PHF20: variants seen among roughly 807,000 people sequenced by gnomAD.
The protein encoded by PHF20 is PHD finger protein 20.
A neutral mutation model predicts 113.5 loss-of-function variants in PHF20; 23 were observed. The ratio of observed to expected loss-of-function variants is 0.20; its 90% CI spans 0.15 to 0.29. The LOEUF is 0.29. Ranked by LOEUF, PHF20 falls within the 10% of genes least tolerant of loss-of-function variation. The probability of loss-of-function intolerance (pLI) is 1.00; values close to 1 mark genes in which losing one functional copy is unlikely to be tolerated. For missense variants in PHF20, 943 were observed against 1,219.6 expected (o/e 0.77, Z 3.38); for synonymous variants, 434 against 457.3 (o/e 0.95, Z 0.65).
chr20:35,903,834 A>G (rs1339082484), intron 10 of PHF20, among the ~76,000 whole-genome samples: 1 of 152,168 alleles, frequency 6.6e-6, no homozygotes, highest in African/African-American at 2.4e-5. Context: ...TGAACATAGT[A>G]GTGTATGCTG....
At chr20:35,899,219 A>G (rs990471460) in intron 9 of PHF20, 151 bp from the exon 10 acceptor site, 5 of 616,366 alleles carry the variant, frequency 8.1e-6, no homozygotes, top group Non-Finnish European at 1.1e-5. Context: ...CATTCTCTCT[A>G]AACAGTAATT....
At chr20:35,901,020 TTC>T (rs2055085173) in intron 10 of PHF20, among the ~76,000 whole-genome samples, 2 of 152,184 alleles carry the variant, frequency 1.3e-5, no homozygotes, top group South Asian at 4.1e-4. Context: ...CTCCGAAATG[TTC>T]TGTTTCCTGA....
intron 17 of PHF20, among the ~76,000 whole-genome samples, chr20:35,941,632 G>A (rs1481335617): frequency 3.9e-5 from 6 of 152,132 alleles, no homozygotes; most frequent in Admixed American, 2.0e-4. Flanking sequence ...GACGGTTTTG[G>A]TTGTTGAAAT....
intron 2 of PHF20, among the ~76,000 whole-genome samples, chr20:35,834,943 A>T (rs895715217): frequency 1.3e-5 from 2 of 152,132 alleles, no homozygotes; most frequent in African/African-American, 4.8e-5. Context: ...CCTGATTATC[A>T]TTTCAAACTC....
rs1221384393 is a variant in PHF20 at position 35,914,112 on chromosome 20, G to T, written c.1740G>T (p.Gly580=). The part of the protein sequence containing the change: ...PPKAFAVTRC[G]SSHKPGVHMS... ...AGGCATTTGCTGTTACCAGGTGTGG[G>T]TCCTCACACAAGCCAGGGGTCCATA... The change falls in exon 12 of 18, where the codon GGG becomes GGT. Residue 580 remains glycine, a synonymous_variant. Coordinates refer to ENST00000374012, the MANE Select transcript of PHF20 (RefSeq NM_016436.5). The T allele has an allele frequency of 1.2e-6, 2 of 1,614,098 alleles. No individual in the cohort carries two copies. The highest frequency in any genetic ancestry group is 2.2e-5 in the South Asian group (2 of 91,080).
chr20:35,897,505 A>G (rs1484278503), intron 9 of PHF20, among the ~76,000 whole-genome samples: 1 of 149,684 alleles, frequency 6.7e-6, no homozygotes, highest in Non-Finnish European at 1.5e-5. Flanking sequence ...TATTAATTAT[A>G]GTTCCCCCAT....
intron 14 of PHF20, 106 bp downstream of exon 14, chr20:35,927,985 GC>G: frequency 2.5e-6 from 2 of 803,050 alleles, no homozygotes; most frequent in Non-Finnish European, 4.3e-6. Context: ...CATTTCTTCA[GC>G]ATCGGCTAGA....
chr20:35,864,786 A>G (rs1463595375), intron 6 of PHF20, among the ~76,000 whole-genome samples: 3 of 152,168 alleles, frequency 2.0e-5, no homozygotes, highest in Non-Finnish European at 4.4e-5. Context: ...CACTAGCTGC[A>G]TGGGGCTATT....
At chr20:35,844,543 C>CCCCACA (rs1491281343) in intron 3 of PHF20, among the ~76,000 whole-genome samples, 1 of 117,708 alleles carries the variant, frequency 8.5e-6, no homozygotes, top group African/African-American at 3.2e-5. Context: ...TTCACCATCA[C>CCCCACA]CACACACACA....
chr20:35,818,401 C>T (rs566225047), intron 2 of PHF20, among the ~76,000 whole-genome samples: 1 of 152,156 alleles, frequency 6.6e-6, no homozygotes, highest in East Asian at 1.9e-4. Flanking sequence ...GCTGGGACTA[C>T]AGGCATGTGC....
chr20:35,812,178 T>C lies in PHF20; in HGVS notation c.83+10573T>C, dbSNP rs549840806. 5.3e-5 allele frequency among the ~76,000 whole-genome samples: 8 copies of C among 152,352 alleles called. No homozygotes were observed. In the East Asian group the frequency reaches 1.2e-3, roughly 22 times the overall value. ...TTAACCCATTTGTTTTATATACTTA[T>C]TTAATTTAGCAATAATTTTATAATA... On this transcript the variant is annotated intron_variant, in intron 2 of 17. Coordinates refer to ENST00000374012, the MANE Select transcript of PHF20 (RefSeq NM_016436.5).
chr20:35,913,184 G>A (rs76571499), intron 10 of PHF20, 65 bp from the exon 11 acceptor site: 1 of 1,187,282 alleles, frequency 8.4e-7, no homozygotes, highest in Non-Finnish European at 1.2e-6. Context: ...TTGCTTAGGA[G>A]AAGAATAAGC....
chr20:35,798,898 A>G (rs1455427207), intron 1 of PHF20, among the ~76,000 whole-genome samples: 1 of 152,080 alleles, frequency 6.6e-6, no homozygotes, highest in Non-Finnish European at 1.5e-5. Flanking sequence ...AGTAGCTGGG[A>G]TTATAAGCCT....
intron 9 of PHF20, among the ~76,000 whole-genome samples, chr20:35,882,416 T>C (rs1363094980): frequency 6.6e-6 from 1 of 152,160 alleles, no homozygotes; most frequent in Non-Finnish European, 1.5e-5. Flanking sequence ...ATGGGTAATA[T>C]TTATTTATGT....
chr20:35,915,970 C>CA (rs936288754), intron 12 of PHF20, among the ~76,000 whole-genome samples: 10 of 151,820 alleles, frequency 6.6e-5, no homozygotes, highest in African/African-American at 2.4e-4. Flanking sequence ...CTTGCCTCTA[C>CA]AAAAAATACA....
chr20:35,873,280 T>A (rs1209050490), intron 9 of PHF20, among the ~76,000 whole-genome samples: 2 of 151,784 alleles, frequency 1.3e-5, no homozygotes, highest in Non-Finnish European at 2.9e-5. Flanking sequence ...TTTGTATTTT[T>A]AGTAGAGACA....
intron 9 of PHF20, among the ~76,000 whole-genome samples, chr20:35,890,412 AT>A (rs1416759273): frequency 2.6e-5 from 4 of 152,138 alleles, no homozygotes; most frequent in African/African-American, 9.7e-5. Flanking sequence ...CTAATCCTTC[AT>A]TGTTTGATTA....
chr20:35,933,785 G>C (rs534447020), intron 15 of PHF20, among the ~76,000 whole-genome samples: 1 of 152,168 alleles, frequency 6.6e-6, no homozygotes, highest in South Asian at 2.1e-4. Flanking sequence ...TGCCCATCTC[G>C]GCCTCCCAAA....
intron 5 of PHF20, among the ~76,000 whole-genome samples, chr20:35,862,748 C>T (rs1447634665): frequency 1.3e-5 from 2 of 152,038 alleles, no homozygotes; most frequent in Admixed American, 6.6e-5. Context: ...CAAAAACAAA[C>T]AAAAACCCAG....
Sources: allele counts gnomAD v4.1 joint callset (sites outside exome capture counted in the v4.1 genomes callset), GRCh38; gene constraint gnomAD v4.1.1; transcripts MANE v1.5; gene names NCBI Gene and HGNC (gene_info 2026-07-23, HGNC 2026-07-21).